The following SEZ6 variants were observed in gnomAD, a reference collection of about 807,000 sequenced individuals.
SEZ6 encodes the protein seizure related 6 homolog.
A neutral mutation model predicts 101.0 loss-of-function variants in SEZ6; 53 were observed. The ratio of observed to expected loss-of-function variants is 0.52; its 90% CI spans 0.42 to 0.66. The LOEUF is 0.66. Among genes scored for constraint, SEZ6 ranks in the 30% least tolerant of loss-of-function variants. The pLI is 0.00. For synonymous variants in SEZ6, 488 were observed against 512.2 expected (o/e 0.95, Z 0.64); for missense variants, 1,102 against 1,289.4 (o/e 0.85, Z 2.23).
intron 3 of SEZ6, 109 bp from the exon 4 acceptor site, chr17:28,970,061 C>A: frequency 9.9e-7 from 1 of 1,010,434 alleles, no homozygotes. Context: ...ATCCTCAATG[C>A]TACTTGAGCA....
At chr17:28,976,294 C>G (rs1383111762) in intron 3 of SEZ6, among the ~76,000 whole-genome samples, 1 of 151,994 alleles carries the variant, frequency 6.6e-6, no homozygotes, top group African/African-American at 2.4e-5. Flanking sequence ...GCTGGTCCTC[C>G]AAAAAAAGGG....
intron 1 of SEZ6, among the ~76,000 whole-genome samples, chr17:28,998,693 G>T (rs2041575615): frequency 6.6e-6 from 1 of 152,142 alleles, no homozygotes; most frequent in East Asian, 1.9e-4. Flanking sequence ...GGCAGGAGAG[G>T]TCCTGTACCT....
At chr17:28,982,116 G>T (rs540906384) in intron 1 of SEZ6, 77 bp from the exon 2 acceptor site, 1 of 1,470,580 alleles carries the variant, frequency 6.8e-7, no homozygotes, top group South Asian at 1.4e-5. Context: ...AGTAGTGGGG[G>T]GGCCCGCTCT....
intron 12 of SEZ6, 42 bp downstream of exon 12, chr17:28,957,306 T>C: frequency 6.2e-7 from 1 of 1,610,734 alleles, no homozygotes; most frequent in Non-Finnish European, 8.5e-7. Context: ...GCATCTTTTA[T>C]CTCCAGCTAG....
intron 1 of SEZ6, among the ~76,000 whole-genome samples, chr17:28,994,704 C>T (rs768168283): frequency 1.3e-5 from 2 of 151,834 alleles, no homozygotes; most frequent in Admixed American, 6.6e-5. Context: ...CCACCGCGTC[C>T]GGCCCGGTTA....
chr17:28,972,444 G>A (rs896931984), intron 3 of SEZ6, among the ~76,000 whole-genome samples: 3 of 152,340 alleles, frequency 2.0e-5, no homozygotes, highest in South Asian at 2.1e-4. Flanking sequence ...GATGTGCCCT[G>A]GGGACTCCAG....
chr17:28,999,988 G>A (rs2041593393), intron 1 of SEZ6, among the ~76,000 whole-genome samples: 1 of 152,210 alleles, frequency 6.6e-6, no homozygotes, highest in Admixed American at 6.5e-5. Flanking sequence ...AGAAAGTGAA[G>A]GGCTGTTTAT....
chr17:28,975,484 C>A (rs1044546122), intron 3 of SEZ6, among the ~76,000 whole-genome samples: 1 of 152,342 alleles, frequency 6.6e-6, no homozygotes, highest in South Asian at 2.1e-4. Context: ...ACACTGAAAC[C>A]CCAGTCTTAC....
chr17:28,972,589 CCAGG>C (rs1294195556), intron 3 of SEZ6, among the ~76,000 whole-genome samples: 1 of 152,190 alleles, frequency 6.6e-6, no homozygotes, highest in Admixed American at 6.5e-5. Flanking sequence ...AACTCTCCAC[CCAGG>C]CACGTTTGGG....
chr17:28,958,063 A>G lies in SEZ6; in HGVS notation c.2186T>C (p.Val729Ala), dbSNP rs763202230. The change falls in exon 11 of 17, where the codon GTG becomes GCG. Residue 729 changes from valine to alanine, a missense_variant. Coordinates refer to ENST00000317338, the MANE Select transcript of SEZ6 (RefSeq NM_178860.5). Reference sequence around the variant, plus strand: ...CTGGTAAGTGACCACGGTGCCGTGCACTAGCTCAGGCTGCGATGGGCTCTT... The same window carrying G: ...CTGGTAAGTGACCACGGTGCCGTGCGCTAGCTCAGGCTGCGATGGGCTCTT... ...GWKSPSQPEL[V>A]HGTVVTYQCY... 2 of 1,613,410 alleles carry G rather than the reference A, an allele frequency of 1.2e-6. No homozygotes were observed. Among genetic ancestry groups the G allele is most frequent in the Non-Finnish European group, 1.7e-6 (2 of 1,179,440 alleles).
Position 28,959,835 on chromosome 17 carries a change from C to T in SEZ6, c.1634G>A (p.Ser545Asn), listed in dbSNP as rs1283983885. 11 of 1,613,698 alleles carry T rather than the reference C, an allele frequency of 6.8e-6. No individual in the cohort carries two copies. Among genetic ancestry groups the T allele is most frequent in the Non-Finnish European group, 9.3e-6 (11 of 1,179,816 alleles). The change falls in exon 8 of 17, where the codon AGC becomes AAC. Residue 545 changes from serine (S) to asparagine (N), a missense_variant. This residue lies in a region of SEZ6 where 556 missense variants were observed against 735.1 expected (regional missense o/e 0.76). Transcript: ENST00000317338. The surrounding 1 kb of genome is among the most constrained non-coding windows in gnomAD (Gnocchi z 4.4). ...PFVKYGNFSS[S>N]TPTYPVGTTV... ...GGTACCCACAGGGTAGGTGGGTGTGCTGCTGCTGAAGTTACCGTATTTGAC... is the reference window on the plus strand; with the variant it reads ...GGTACCCACAGGGTAGGTGGGTGTGTTGCTGCTGAAGTTACCGTATTTGAC...
chr17:28,974,021 G>A (rs2041187708), intron 3 of SEZ6, among the ~76,000 whole-genome samples: 1 of 152,180 alleles, frequency 6.6e-6, no homozygotes, highest in Non-Finnish European at 1.5e-5. Flanking sequence ...TGGGAGGTGG[G>A]AAGGATTCAG....
intron 1 of SEZ6, among the ~76,000 whole-genome samples, chr17:29,004,257 C>T (rs1002505808): frequency 2.0e-5 from 3 of 152,230 alleles, no homozygotes; most frequent in East Asian, 1.9e-4. Flanking sequence ...ACAGGCCCTG[C>T]GCCCCAGGGG....
intron 2 of SEZ6, among the ~76,000 whole-genome samples, chr17:28,980,740 G>A (rs938805917): frequency 3.3e-5 from 5 of 151,532 alleles, no homozygotes; most frequent in Non-Finnish European, 7.4e-5. Flanking sequence ...CTGATGTCAG[G>A]TGATCCACCT....
At chr17:28,961,966 A>G (rs1471999) in intron 5 of SEZ6, among the ~76,000 whole-genome samples, 152,241 of 152,314 alleles carry the variant, frequency 1, 76,084 homozygotes, top group Non-Finnish European at 1. Flanking sequence ...GACCTGCCTC[A>G]GCTTGGTCTC....
At chr17:28,958,215 C>T (rs1169465548) in intron 10 of SEZ6, 74 bp from the exon 11 acceptor site, 13 of 1,498,698 alleles carry the variant, frequency 8.7e-6, no homozygotes, top group Non-Finnish European at 1.2e-5. Context: ...CTTGAGGGCA[C>T]TCTGGCTCCT....
At chr17:28,977,407 C>T (rs2041235858) in intron 3 of SEZ6, among the ~76,000 whole-genome samples, 1 of 152,266 alleles carries the variant, frequency 6.6e-6, no homozygotes, top group Admixed American at 6.5e-5. Context: ...GGACCCTGCC[C>T]CCATGGCACC....
At chr17:28,973,484 A>G (rs1228636966) in intron 3 of SEZ6, among the ~76,000 whole-genome samples, 1 of 152,174 alleles carries the variant, frequency 6.6e-6, no homozygotes, top group Non-Finnish European at 1.5e-5. Flanking sequence ...CCTCTGGTCC[A>G]GGGGAGGCAT....
At chr17:28,985,861 G>A (rs1338571708) in intron 1 of SEZ6, among the ~76,000 whole-genome samples, 1 of 152,220 alleles carries the variant, frequency 6.6e-6, no homozygotes, top group Non-Finnish European at 1.5e-5. Context: ...GCGGTGGGCC[G>A]CAGCAAGATC....
Sources: gnomAD v4.1 joint callset for allele counts (sites outside exome capture counted in the v4.1 genomes callset) on GRCh38, gnomAD v4.1.1 for gene constraint, gnomAD v4.1.1 regional missense constraint, Gnocchi (gnomAD v3.1) non-coding constraint, MANE v1.5 for transcripts, NCBI Gene and HGNC (gene_info 2026-07-23, HGNC 2026-07-21) for gene names.